Variants in TBC1D4 observed in about 807,000 individuals in gnomAD.
The protein encoded by TBC1D4 is TBC1 domain family member 4.
TBC1D4 carries 121 observed loss-of-function variants against 142.5 expected under a neutral mutation model. The observed-to-expected ratio is 0.85, with a 90% CI of 0.73 to 0.99. The LOEUF (loss-of-function observed/expected upper bound fraction) is 0.99, where lower values mean the gene tolerates loss of function less well. Among genes scored for constraint, TBC1D4 ranks in the 50% least tolerant of loss-of-function variants. The pLI, the probability that TBC1D4 is intolerant of heterozygous loss-of-function variation, is 0.00. For synonymous variants in TBC1D4, 630 were observed against 628.2 expected (o/e 1.00, Z -0.04); for missense variants, 1,475 against 1,606.6 (o/e 0.92, Z 1.40).
At chr13:75,292,949 G>A (rs1337901319) in intron 18 of TBC1D4, among the ~76,000 whole-genome samples, 2 of 152,140 alleles carry the variant, frequency 1.3e-5, no homozygotes, top group East Asian at 1.9e-4. Flanking sequence ...GAGGCTAGGA[G>A]TTACAGACCA....
At chr13:75,345,037 G>A (rs1881031993) in intron 5 of TBC1D4, among the ~76,000 whole-genome samples, 2 of 152,126 alleles carry the variant, frequency 1.3e-5, no homozygotes, top group Admixed American at 1.3e-4. Context: ...GATACCAGGA[G>A]GCTTCCAGGC....
At chr13:75,359,476 C>T (rs112135527) in intron 3 of TBC1D4, among the ~76,000 whole-genome samples, 114 of 152,196 alleles carry the variant, frequency 7.5e-4, no homozygotes, top group African/African-American at 2.6e-3. Flanking sequence ...CAAAAGAACT[C>T]ACCACCACAA....
intron 1 of TBC1D4, among the ~76,000 whole-genome samples, chr13:75,442,309 T>A (rs1224478604): frequency 6.6e-6 from 1 of 152,170 alleles, no homozygotes; most frequent in East Asian, 1.9e-4. Flanking sequence ...TTTTTAAGTG[T>A]TCAGAGGAGA....
At position 75,287,045 on chromosome 13, in the gene TBC1D4, T is replaced by C; in HGVS notation, c.3664-20A>G. On this transcript the variant is annotated intron_variant, in intron 20 of 20. Transcript: ENST00000377636. ...AGCTACCTGTTTGGGGGGGAAAAAA[T>C]CCTCCAAATCAAATGATTCATTATA... The C allele has an allele frequency of 6.5e-7, 1 of 1,541,556 alleles. No individual in the cohort carries two copies. Among genetic ancestry groups the C allele is most frequent in the Non-Finnish European group, 8.9e-7 (1 of 1,121,644 alleles).
rs1875410501 is a variant in TBC1D4, at chr13:75,292,419, AG to A, written c.3317-149del. 1.1e-5 allele frequency: 7 copies of A among 650,806 alleles called. No homozygotes were observed. In the East Asian group the frequency reaches 1.9e-4, roughly 18 times the overall value. 40.3% of individuals were successfully genotyped at this position (650,806 alleles called of 1,614,324 possible). Reference sequence around the variant, plus strand: ...AAAGCATCTAGCTTTTTTTTAAAAAAGCAATATAACTAAACATATAAGCAGA... The same window carrying A: ...AAAGCATCTAGCTTTTTTTTAAAAAACAATATAACTAAACATATAAGCAGA... On this transcript the variant is annotated intron_variant, in intron 18 of 20. Transcript: ENST00000377636.
rs549754155 is a variant in TBC1D4 at position 75,291,959 on chromosome 13, A to T, written c.3486+143T>A. 17 of 752,596 alleles carry T rather than the reference A, an allele frequency of 2.3e-5. 1 individual carries two copies. The highest frequency in any genetic ancestry group is 1.4e-4 in the African/African-American group (8 of 56,540). The allele number at this position is 752,596 out of a possible 1,614,324, so 46.6% of individuals were successfully genotyped here. ...CCAGATAGAAAATGTCACAGTGTAG[A>T]AATTTCACAATAGTCCCCTTTCTAA... On this transcript the variant is annotated intron_variant, in intron 19 of 20. Transcript: ENST00000377636.
chr13:75,434,618 C>T (rs1173360932), intron 1 of TBC1D4, among the ~76,000 whole-genome samples: 1 of 151,582 alleles, frequency 6.6e-6, no homozygotes, highest in African/African-American at 2.4e-5. Context: ...TGTAACAAAC[C>T]TTCACATGTA....
chr13:75,347,245 G>C (rs1881222796), intron 5 of TBC1D4, among the ~76,000 whole-genome samples: 1 of 152,142 alleles, frequency 6.6e-6, no homozygotes, highest in South Asian at 2.1e-4. Flanking sequence ...CTGACATCCA[G>C]TAAGGTTCAG....
chr13:75,337,478 G>C (rs1266433080), intron 7 of TBC1D4, among the ~76,000 whole-genome samples: 1 of 152,172 alleles, frequency 6.6e-6, no homozygotes, highest in Non-Finnish European at 1.5e-5. Flanking sequence ...TAATGCCTCT[G>C]TTATAATTCC....
rs148430840 is a variant in TBC1D4 at position 75,381,692 on chromosome 13, A to G, written c.499-19085T>C. 1.7e-3 allele frequency among the ~76,000 whole-genome samples: 254 copies of G among 152,380 alleles called. 1 individual carries two copies. Among genetic ancestry groups the G allele is most frequent in the African/African-American group, 5.7e-3 (238 of 41,600 alleles). ...TATCATTGCAGGTTCAGTCAAATCA[A>G]GAAACATTTATTGAATTTCTTCTCA... On this transcript the variant is annotated intron_variant, in intron 1 of 20. Transcript: ENST00000377636.
intron 1 of TBC1D4, among the ~76,000 whole-genome samples, chr13:75,402,960 C>G (rs1012746317): frequency 3.9e-5 from 6 of 152,216 alleles, no homozygotes; most frequent in African/African-American, 7.2e-5. Flanking sequence ...TGAAGCCTGC[C>G]AGCCATCAGG....
chr13:75,347,340 G>A (rs758242767), intron 5 of TBC1D4, among the ~76,000 whole-genome samples: 9 of 152,084 alleles, frequency 5.9e-5, no homozygotes, highest in Admixed American at 3.3e-4. Context: ...TTCCTACTGC[G>A]TGGTTTTATC....
intron 9 of TBC1D4, among the ~76,000 whole-genome samples, chr13:75,327,348 A>G (rs1009466312): frequency 2.0e-5 from 3 of 152,230 alleles, no homozygotes; most frequent in Non-Finnish European, 2.9e-5. Context: ...AGAGTTGTCA[A>G]TGAGATAAAG....
Position 75,309,830 on chromosome 13 carries a change from T to A in TBC1D4, c.2593+112A>T, listed in dbSNP as rs1401704804. 6.0e-6 allele frequency: 6 copies of A among 999,512 alleles called. No homozygotes were observed. In the East Asian group the frequency reaches 1.5e-4, roughly 25 times the overall value. The allele number at this position is 999,512 out of a possible 1,614,324, so 61.9% of individuals were successfully genotyped here. On this transcript the variant is annotated intron_variant, in intron 14 of 20. Transcript: ENST00000377636. ...ATCAGTAGGTATTCTTCTTAAAGTG[T>A]GCATACAGTCCAAAACTGAGTGCGG...
At chr13:75,449,879 C>G (rs555364465) in intron 1 of TBC1D4, among the ~76,000 whole-genome samples, 12 of 152,134 alleles carry the variant, frequency 7.9e-5, no homozygotes, top group African/African-American at 2.9e-4. Flanking sequence ...GGCATCGTGC[C>G]CAGCCAAATG....
chr13:75,455,239 C>A (rs1353198522), intron 1 of TBC1D4, among the ~76,000 whole-genome samples: 4 of 152,180 alleles, frequency 2.6e-5, no homozygotes, highest in Admixed American at 1.3e-4. Flanking sequence ...GTGCCCACAG[C>A]CCGCTGGCTA....
chr13:75,400,273 C>A (rs1885016925), intron 1 of TBC1D4, among the ~76,000 whole-genome samples: 1 of 152,146 alleles, frequency 6.6e-6, no homozygotes, highest in Admixed American at 6.5e-5. Context: ...ATTGCTCTAA[C>A]CAGCCGCACT....
chr13:75,362,578 T>C lies in TBC1D4; in HGVS notation c.528A>G (p.Gln176=), dbSNP rs746397454. 8.1e-6 allele frequency: 13 copies of C among 1,614,008 alleles called. No individual in the cohort carries two copies. The highest frequency in any genetic ancestry group is 1.1e-5 in the South Asian group (1 of 91,086). The change falls in exon 2 of 21, where the codon CAA becomes CAG. Residue 176 remains glutamine (Q), a synonymous_variant. Coordinates refer to ENST00000377636, the MANE Select transcript of TBC1D4 (RefSeq NM_014832.5). The surrounding 1 kb of genome is among the most constrained non-coding windows in gnomAD (Gnocchi z 4.2). ...CCTCTTTCATGGCCGCTTTAGATAA[T>C]TGCCTTATGCTGCTAATAACATCAG... ...QVPDVISSIR[Q]LSKAAMKEDA... is the part of the protein sequence containing the mutation.
chr13:75,325,407 G>A (rs980216937), intron 10 of TBC1D4, among the ~76,000 whole-genome samples: 3 of 149,132 alleles, frequency 2.0e-5, no homozygotes, highest in Non-Finnish European at 3.0e-5. Context: ...CTTTTACATC[G>A]AGTTGTGTTT....
Sources: gnomAD v4.1 joint callset for allele counts (sites outside exome capture counted in the v4.1 genomes callset) on GRCh38, gnomAD v4.1.1 for gene constraint, Gnocchi (gnomAD v3.1) non-coding constraint, MANE v1.5 for transcripts, NCBI Gene and HGNC (gene_info 2026-07-23, HGNC 2026-07-21) for gene names.